Variants in NCK1 observed in about 807,000 individuals in gnomAD.
NCK1 encodes SH2/SH3 adapter protein NCK1.
In NCK1, 19 loss-of-function variants were observed where a neutral mutation model predicts 36.6. The ratio of observed to expected loss-of-function variants is 0.52; its 90% CI spans 0.36 to 0.76. The LOEUF is 0.76. Among genes scored for constraint, NCK1 ranks in the 30% least tolerant of loss-of-function variants. The pLI, the probability that NCK1 is intolerant of heterozygous loss-of-function variation, is 0.00. For synonymous variants in NCK1, 165 were observed against 156.0 expected, an observed-to-expected ratio of 1.06 and a Z score of -0.43; for missense variants, 358 against 445.6, an observed-to-expected ratio of 0.80 and a Z score of 1.77.
At chr3:136,899,745 T>C in intron 1 of NCK1, 1 of 1,066,956 alleles carries the variant, frequency 9.4e-7, no homozygotes, top group Admixed American at 1.7e-5. Flanking sequence ...ACTATTGCCA[T>C]GTTTTTCAAC....
At chr3:136,935,657 G>A (rs1313317031) in intron 2 of NCK1, among the ~76,000 whole-genome samples, 1 of 152,130 alleles carries the variant, frequency 6.6e-6, no homozygotes, top group African/African-American at 2.4e-5. Context: ...GAAAGTGTTG[G>A]CAATAAGGAG....
chr3:136,950,661 T>C lies in NCK1; in HGVS notation c.*2208T>C, dbSNP rs1002851166. Reference sequence around the variant, plus strand: ...CATAGCTAGATAGTAACAATACTTGTATAAGAAACCAAGTTTCCTTATTCC... The same window carrying C: ...CATAGCTAGATAGTAACAATACTTGCATAAGAAACCAAGTTTCCTTATTCC... On this transcript the variant is annotated 3_prime_UTR_variant, in exon 4 of 4. Coordinates refer to ENST00000481752, the MANE Select transcript of NCK1 (RefSeq NM_001291999.2). Among the ~76,000 whole-genome samples, 3 of 152,158 alleles carry C rather than the reference T, an allele frequency of 2.0e-5. No homozygotes were observed.
chr3:136,893,198 A>ACACACACACACCATATTT (rs1347213828), intron 1 of NCK1, among the ~76,000 whole-genome samples: 1 of 132,162 alleles, frequency 7.6e-6, no homozygotes, highest in Non-Finnish European at 1.6e-5. Context: ...ATATACACAC[A>ACACACACACACCATATTT]TGTGCAAGTA....
chr3:136,917,066 G>A (rs1412728044), intron 1 of NCK1, among the ~76,000 whole-genome samples: 1 of 152,198 alleles, frequency 6.6e-6, no homozygotes, highest in Non-Finnish European at 1.5e-5. Flanking sequence ...GTATTCATAT[G>A]TAATATGTAA....
chr3:136,915,425 T>TGTA (rs1005433456), intron 1 of NCK1, among the ~76,000 whole-genome samples: 2 of 151,810 alleles, frequency 1.3e-5, no homozygotes, highest in African/African-American at 4.8e-5. Context: ...GCAATAATAT[T>TGTA]GTAGAAGTTG....
At chr3:136,917,357 A>G (rs1939996135) in intron 1 of NCK1, among the ~76,000 whole-genome samples, 1 of 151,912 alleles carries the variant, frequency 6.6e-6, no homozygotes, top group African/African-American at 2.4e-5. Context: ...GTTAAGCCTC[A>G]TAGATCTTTC....
intron 1 of NCK1, among the ~76,000 whole-genome samples, chr3:136,888,592 C>T (rs1378132624): frequency 4.6e-5 from 7 of 150,592 alleles, no homozygotes; most frequent in Non-Finnish European, 5.9e-5. Context: ...TTAGTAGAGA[C>T]GGGGTTTCAC....
intron 1 of NCK1, among the ~76,000 whole-genome samples, chr3:136,920,361 G>A (rs1940074626): frequency 1.3e-5 from 2 of 151,916 alleles, no homozygotes; most frequent in Admixed American, 6.6e-5. Flanking sequence ...TAATGACAAA[G>A]GCAAAAGTGC....
At chr3:136,900,911 C>T (rs888255573) in intron 1 of NCK1, among the ~76,000 whole-genome samples, 12 of 152,094 alleles carry the variant, frequency 7.9e-5, no homozygotes, top group Non-Finnish European at 1.5e-4. Context: ...TTTTTTCCCT[C>T]TTGCCTGATT....
chr3:136,916,162 A>G (rs189180935), intron 1 of NCK1, among the ~76,000 whole-genome samples: 2 of 152,210 alleles, frequency 1.3e-5, no homozygotes, highest in East Asian at 1.9e-4. Flanking sequence ...GGAGATTACA[A>G]TTCGACATGA....
rs542493976 is a variant in NCK1 at position 136,871,735 on chromosome 3, G to A, written c.-19+9382G>A. ...GTTACTCCCACAATTCCCACGTGTG[G>A]TTGGCAGAACCTGGTGGGAGGTAAT... On this transcript the variant is annotated intron_variant, in intron 1 of 3. Transcript: ENST00000481752. 5.9e-5 allele frequency among the ~76,000 whole-genome samples: 9 copies of A among 152,300 alleles called. No individual in the cohort carries two copies. In the South Asian group the frequency reaches 1.9e-3, roughly 32 times the overall value.
At chr3:136,907,325 G>T (rs1396074601) in intron 1 of NCK1, among the ~76,000 whole-genome samples, 9 of 152,172 alleles carry the variant, frequency 5.9e-5, no homozygotes, top group African/African-American at 2.2e-4. Context: ...TGCAGGGTCT[G>T]TTGGGTTCCC....
intron 1 of NCK1, 42 bp from the exon 2 acceptor site, chr3:136,927,942 C>T: frequency 1.5e-6 from 2 of 1,357,010 alleles, no homozygotes; most frequent in South Asian, 1.3e-5. Context: ...TGAACTAATA[C>T]TACCTCAACC....
chr3:136,944,064 A>C (rs567214912), intron 2 of NCK1, among the ~76,000 whole-genome samples: 2 of 149,398 alleles, frequency 1.3e-5, no homozygotes, highest in Non-Finnish European at 3.0e-5. Flanking sequence ...GATAATAAAG[A>C]GTTGGGAGTG....
At chr3:136,927,856 T>C (rs894741176) in intron 1 of NCK1, 128 bp from the exon 2 acceptor site, 1 of 692,834 alleles carries the variant, frequency 1.4e-6, no homozygotes, top group South Asian at 1.9e-5. Context: ...ATTTGCCTCA[T>C]GTATTTTTTT....
intron 1 of NCK1, among the ~76,000 whole-genome samples, chr3:136,881,302 C>A (rs559073749): frequency 4.6e-5 from 7 of 152,136 alleles, no homozygotes; most frequent in African/African-American, 1.7e-4. Context: ...TCACTGCAAC[C>A]TCTGCCTCCT....
chr3:136,946,155 G>C lies in NCK1; in HGVS notation c.799G>C (p.Asp267His). The C allele has an allele frequency of 6.2e-7, 1 of 1,613,710 alleles. No individual in the cohort carries two copies. Among genetic ancestry groups the C allele is most frequent in the Non-Finnish European group, 8.5e-7 (1 of 1,179,954 alleles). Residue 267 changes from aspartate to histidine, a missense_variant, in exon 3 of 4, where the codon GAT (aspartate) becomes CAT (histidine). Coordinates refer to ENST00000481752, the MANE Select transcript of NCK1 (RefSeq NM_001291999.2). ...SGLEPSPPQC[D>H]YIRPSLTGKF... ...TTTGGAACCATCACCTCCACAGTGT[G>C]ATTACATTAGGCCTTCACTCACTGG...
chr3:136,937,702 T>C (rs1940569379), intron 2 of NCK1, among the ~76,000 whole-genome samples: 1 of 152,218 alleles, frequency 6.6e-6, no homozygotes, highest in African/African-American at 2.4e-5. Context: ...TTAATGCTGT[T>C]ATAAATGGAT....
At chr3:136,872,385 G>A (rs542457040) in intron 1 of NCK1, among the ~76,000 whole-genome samples, 1 of 152,258 alleles carries the variant, frequency 6.6e-6, no homozygotes, top group Non-Finnish European at 1.5e-5. Flanking sequence ...TAGGGTGTCT[G>A]GTAGAAAAAA....
Sources: allele counts gnomAD v4.1 joint callset (sites outside exome capture counted in the v4.1 genomes callset), GRCh38; gene constraint gnomAD v4.1.1; transcripts MANE v1.5; gene names NCBI Gene and HGNC (gene_info 2026-07-23, HGNC 2026-07-21).